TM9SF3: variants seen among roughly 807,000 people sequenced by gnomAD.
TM9SF3 encodes transmembrane 9 superfamily member 3.
In TM9SF3, 14 loss-of-function variants were observed where a neutral mutation model predicts 78.6. That is an observed-to-expected ratio of 0.18 (90% CI 0.12 to 0.28). TM9SF3 has a LOEUF of 0.28. TM9SF3 is among the 10% of genes least tolerant of loss of function. TM9SF3 has a pLI of 1.00. For synonymous variants in TM9SF3, 231 were observed against 241.7 expected (o/e 0.96, Z 0.41); for missense variants, 496 against 721.9 (o/e 0.69, Z 3.59).
chr10:96,520,617 T>C lies in TM9SF3; in HGVS notation c.*1646A>G. ...GCAAACTATTAAACTAGAAACTCAGTGGTTCTAGGAAAACTTCATATTATG... is the reference window on the plus strand; with the variant it reads ...GCAAACTATTAAACTAGAAACTCAGCGGTTCTAGGAAAACTTCATATTATG... On this transcript the variant is annotated 3_prime_UTR_variant, in exon 15 of 15. Coordinates refer to ENST00000371142, the MANE Select transcript of TM9SF3 (RefSeq NM_020123.4). 1 of 348,826 alleles carries C rather than the reference T, an allele frequency of 2.9e-6. No individual in the cohort carries two copies. The highest frequency in any genetic ancestry group is 5.1e-6 in the Non-Finnish European group (1 of 194,298). The allele number at this position is 348,826 out of a possible 1,614,324, so 21.6% of individuals were successfully genotyped here.
At chr10:96,550,122 G>A (rs1314739418) in intron 7 of TM9SF3, among the ~76,000 whole-genome samples, 4 of 152,126 alleles carry the variant, frequency 2.6e-5, no homozygotes, top group Non-Finnish European at 4.4e-5. Context: ...AAGCTCATGC[G>A]GTAAATGAAT....
intron 2 of TM9SF3, among the ~76,000 whole-genome samples, chr10:96,572,480 A>T (rs1426785434): frequency 2.0e-5 from 3 of 151,938 alleles, no homozygotes; most frequent in Non-Finnish European, 4.4e-5. Context: ...AACCAGGCTC[A>T]AGGATGCCTA....
At chr10:96,538,865 T>A (rs1171271968) in intron 9 of TM9SF3, among the ~76,000 whole-genome samples, 2 of 152,194 alleles carry the variant, frequency 1.3e-5, no homozygotes, top group Non-Finnish European at 2.9e-5. Context: ...ACTTACTATA[T>A]CAAGTGCTGG....
chr10:96,521,248 A>G lies in TM9SF3; in HGVS notation c.*1015T>C, dbSNP rs138143171. ...ATCACACATTTCTACACCAATCATCATAAGAAAAAAGTACTCTGTAGTCGA... is the reference window on the plus strand; with the variant it reads ...ATCACACATTTCTACACCAATCATCGTAAGAAAAAAGTACTCTGTAGTCGA... On this transcript the variant is annotated 3_prime_UTR_variant, in exon 15 of 15. Transcript: ENST00000371142. 27 of 210,924 alleles carry G rather than the reference A, an allele frequency of 1.3e-4. No homozygotes were observed. Among genetic ancestry groups the G allele is most frequent in the Middle Eastern group, 1.7e-3 (1 of 604 alleles). The allele number at this position is 210,924 out of a possible 1,614,324, so 13.1% of individuals were successfully genotyped here.
chr10:96,564,402 C>A (rs766221814), intron 3 of TM9SF3, among the ~76,000 whole-genome samples: 1 of 152,138 alleles, frequency 6.6e-6, no homozygotes, highest in South Asian at 2.1e-4. Context: ...ACTGTCAGAG[C>A]GGATCAGAGA....
intron 5 of TM9SF3, among the ~76,000 whole-genome samples, chr10:96,559,009 T>C (rs1393057047): frequency 6.6e-6 from 1 of 152,176 alleles, no homozygotes; most frequent in South Asian, 2.1e-4. Context: ...ACACTAATGC[T>C]ACCGGCTTTA....
rs1037305162 is a variant in TM9SF3, at chr10:96,520,829, T to C, written c.*1434A>G. On this transcript the variant is annotated 3_prime_UTR_variant, in exon 15 of 15. Coordinates refer to ENST00000371142, the MANE Select transcript of TM9SF3 (RefSeq NM_020123.4). ...TTCACTTTATGATTGTGCTGGATAA[T>C]CTAGATGTAAGCAAGTCTGGAGATT... The C allele has an allele frequency of 5.0e-6, 2 of 396,384 alleles. No individual in the cohort carries two copies. The highest frequency in any genetic ancestry group is 2.1e-5 in the African/African-American group (1 of 48,540). The allele number at this position is 396,384 out of a possible 1,614,324, so 24.6% of individuals were successfully genotyped here.
chr10:96,544,408 G>A (rs570086191), intron 8 of TM9SF3, among the ~76,000 whole-genome samples: 1 of 152,126 alleles, frequency 6.6e-6, no homozygotes, highest in East Asian at 1.9e-4. Flanking sequence ...GCAATGACCT[G>A]TAATAAAATA....
intron 2 of TM9SF3, chr10:96,576,320 CTTT>C (rs769404698): frequency 5.3e-5 from 9 of 169,412 alleles, no homozygotes; most frequent in Non-Finnish European, 1.0e-4. Context: ...CAAAGGAAAT[CTTT>C]GTTAATTACT....
chr10:96,565,277 A>T, intron 3 of TM9SF3, 27 bp downstream of exon 3: 1 of 1,476,252 alleles, frequency 6.8e-7, no homozygotes, highest in South Asian at 1.5e-5. Flanking sequence ...ATTTTCCCAA[A>T]TCTTAAATAC....
At chr10:96,545,075 C>T (rs1173937334) in intron 8 of TM9SF3, among the ~76,000 whole-genome samples, 1 of 152,046 alleles carries the variant, frequency 6.6e-6, no homozygotes, top group African/African-American at 2.4e-5. Context: ...TTCTATTATT[C>T]AAATAATCAA....
rs559942278 is a variant in TM9SF3 at position 96,536,985 on chromosome 10, T to C, written c.1186-3795A>G. On this transcript the variant is annotated intron_variant, in intron 9 of 14. Coordinates refer to ENST00000371142, the MANE Select transcript of TM9SF3 (RefSeq NM_020123.4). ...AACCTTACGATTTTCTTAATAACAT[T>C]TTCTTTTCCCTAGCTTACTTTATTG... Among the ~76,000 whole-genome samples the C allele has an allele frequency of 3.1e-4, 47 of 152,316 alleles. 1 individual carries two copies. The highest frequency in any genetic ancestry group is 6.2e-4 in the Non-Finnish European group (42 of 68,030).
In TM9SF3 at chr10:96,519,221, T is replaced by C. The variant is rs142269457; in HGVS notation, c.*3042A>G. Reference sequence around the variant, plus strand: ...ACTGTACCAAAATGGATATGACTTGTGAATAAACCCTAAATAAAGTGGCTT... The same window carrying C: ...ACTGTACCAAAATGGATATGACTTGCGAATAAACCCTAAATAAAGTGGCTT... On this transcript the variant is annotated 3_prime_UTR_variant, in exon 15 of 15. Transcript: ENST00000371142. The C allele has an allele frequency of 6.6e-6, 1 of 152,212 alleles. No individual in the cohort carries two copies. The highest frequency in any genetic ancestry group is 2.1e-4 in the South Asian group (1 of 4,826). 9.4% of individuals were successfully genotyped at this position (152,212 alleles called of 1,614,324 possible). A position where few individuals can be genotyped will look rare whatever the true frequency, so the allele number is the denominator to read the frequency against.
At chr10:96,576,425 A>G in intron 2 of TM9SF3, 1 of 358,566 alleles carries the variant, frequency 2.8e-6, no homozygotes, top group Non-Finnish European at 5.0e-6. Context: ...AGCAATTAGC[A>G]ATGTCTGGTG....
chr10:96,544,892 T>C (rs746131448), intron 8 of TM9SF3, among the ~76,000 whole-genome samples: 8 of 152,042 alleles, frequency 5.3e-5, no homozygotes, highest in Non-Finnish European at 1.2e-4. Flanking sequence ...TCTAAGTTTG[T>C]CCTTAGCTCT....
intron 12 of TM9SF3, 27 bp downstream of exon 12, chr10:96,528,004 A>G (rs771844526): frequency 3.1e-6 from 5 of 1,594,072 alleles, no homozygotes; most frequent in South Asian, 1.1e-5. Context: ...TGGTTCCCCA[A>G]ATTTCTATCC....
intron 2 of TM9SF3, among the ~76,000 whole-genome samples, chr10:96,574,970 G>A (rs1343072986): frequency 4.6e-5 from 7 of 152,066 alleles, no homozygotes; most frequent in South Asian, 2.1e-4. Context: ...AATACCAAAC[G>A]TAGGTGACGG....
intron 1 of TM9SF3, among the ~76,000 whole-genome samples, chr10:96,579,776 ACTT>A (rs1222457835): frequency 6.6e-6 from 1 of 152,234 alleles, no homozygotes; most frequent in East Asian, 1.9e-4. Flanking sequence ...AATACAATTA[ACTT>A]AAAATGTTTA....
chr10:96,575,704 A>C (rs1848488872), intron 2 of TM9SF3, among the ~76,000 whole-genome samples: 1 of 151,996 alleles, frequency 6.6e-6, no homozygotes, highest in South Asian at 2.1e-4. Flanking sequence ...TGCAGTAAAC[A>C]ATTTTACTAA....
Sources: allele counts gnomAD v4.1 joint callset (sites outside exome capture counted in the v4.1 genomes callset), GRCh38; gene constraint gnomAD v4.1.1; transcripts MANE v1.5; gene names NCBI Gene and HGNC (gene_info 2026-07-23, HGNC 2026-07-21).